Variants in MALRD1 observed in about 807,000 individuals in gnomAD.
MALRD1 encodes the protein MAM and LDL-receptor class A domain-containing protein 1.
Under a neutral mutation model 242.1 loss-of-function variants are expected in MALRD1, and 247 were observed. The observed-to-expected ratio is 1.02, with a 90% confidence interval of 0.92 to 1.13. The LOEUF (loss-of-function observed/expected upper bound fraction) is 1.13. Among genes scored for constraint, MALRD1 ranks in the 50% most tolerant of loss-of-function variants. The pLI is 0.00. For synonymous variants in MALRD1, 995 were observed against 866.6 expected, an observed-to-expected ratio of 1.15 and a Z score of -2.60; for missense variants, 2,989 against 2,533.1, an observed-to-expected ratio of 1.18 and a Z score of -3.86.
chr10:19,450,137 A>T (rs1835238110), intron 28 of MALRD1, among the ~76,000 whole-genome samples, 170 bp from the exon 29 acceptor site: 1 of 152,180 alleles, frequency 6.6e-6, no homozygotes, highest in Non-Finnish European at 1.5e-5. Flanking sequence ...GTTGGGTTTG[A>T]CAAGAATGAC....
At chr10:19,365,242 A>C in intron 26 of MALRD1, among the ~76,000 whole-genome samples, 1 of 152,056 alleles carries the variant, frequency 6.6e-6, no homozygotes, top group African/African-American at 2.4e-5. Context: ...CTGCCTTCTC[A>C]GATTATTTTC....
At chr10:19,215,539 A>T (rs960206848) in intron 18 of MALRD1, among the ~76,000 whole-genome samples, 2 of 152,160 alleles carry the variant, frequency 1.3e-5, no homozygotes, top group Non-Finnish European at 2.9e-5. Context: ...TTGTCCCCCC[A>T]AACTTCTTGT....
intron 11 of MALRD1, among the ~76,000 whole-genome samples, chr10:19,151,511 A>G (rs369248158): frequency 6.6e-6 from 1 of 152,108 alleles, no homozygotes; most frequent in Non-Finnish European, 1.5e-5. Context: ...AAATATTAAC[A>G]GTTCTATCTT....
intron 31 of MALRD1, among the ~76,000 whole-genome samples, chr10:19,523,013 A>T (rs1426483736): frequency 1.3e-5 from 2 of 152,292 alleles, no homozygotes; most frequent in East Asian, 3.9e-4. Context: ...CTTTATATCT[A>T]TTCTCTAAAT....
intron 36 of MALRD1, among the ~76,000 whole-genome samples, chr10:19,642,200 G>T (rs1241065019): frequency 1.3e-5 from 2 of 152,112 alleles, no homozygotes; most frequent in Admixed American, 1.3e-4. Context: ...GAAACCAGAT[G>T]ACAGACTATT....
intron 29 of MALRD1, among the ~76,000 whole-genome samples, chr10:19,470,260 C>T (rs1185514135): frequency 6.6e-6 from 1 of 151,896 alleles, no homozygotes; most frequent in Non-Finnish European, 1.5e-5. Context: ...CCATGTTGTC[C>T]CAAATGTCAG....
At chr10:19,178,361 C>T (rs1835347961) in intron 14 of MALRD1, among the ~76,000 whole-genome samples, 1 of 152,110 alleles carries the variant, frequency 6.6e-6, no homozygotes. Flanking sequence ...TAGTAGTGAG[C>T]AGAAGTTTAT....
At chr10:19,637,299 CAAAA>C (rs1334516694) in intron 36 of MALRD1, among the ~76,000 whole-genome samples, 1 of 151,482 alleles carries the variant, frequency 6.6e-6, no homozygotes, top group Non-Finnish European at 1.5e-5. Flanking sequence ...AACAAACAAA[CAAAA>C]AAAGAGGTAG....
intron 18 of MALRD1, among the ~76,000 whole-genome samples, chr10:19,216,917 G>T (rs1017900253): frequency 6.7e-6 from 1 of 148,468 alleles, no homozygotes; most frequent in Non-Finnish European, 1.5e-5. Flanking sequence ...CTGCACTCCA[G>T]CCTGGGTGAC....
chr10:19,462,056 T>C (rs7083055), intron 29 of MALRD1, among the ~76,000 whole-genome samples: 3,634 of 152,280 alleles, frequency 0.024, 133 homozygotes, highest in African/African-American at 0.083. Flanking sequence ...CAAACATGCC[T>C]ACTGGAACTC....
intron 10 of MALRD1, among the ~76,000 whole-genome samples, chr10:19,145,493 A>G (rs990156503): frequency 6.6e-6 from 1 of 152,100 alleles, no homozygotes; most frequent in African/African-American, 2.4e-5. Context: ...AAAATAAAAA[A>G]AAAATATCCG....
chr10:19,519,904 G>A (rs376435938), intron 31 of MALRD1, among the ~76,000 whole-genome samples: 1 of 152,168 alleles, frequency 6.6e-6, no homozygotes, highest in Non-Finnish European at 1.5e-5. Flanking sequence ...GGTTCTTACA[G>A]TTGCTATTGT....
At chr10:19,572,572 C>T (rs1427778734) in intron 33 of MALRD1, among the ~76,000 whole-genome samples, 1 of 152,140 alleles carries the variant, frequency 6.6e-6, no homozygotes, top group African/African-American at 2.4e-5. Flanking sequence ...GAGAAGTTGG[C>T]TGGTATACTG....
chr10:19,531,408 A>G (rs1834411343), intron 32 of MALRD1, 57 bp downstream of exon 32: 1 of 1,413,958 alleles, frequency 7.1e-7, no homozygotes, highest in Non-Finnish European at 9.5e-7. Flanking sequence ...ATGTTTAAAC[A>G]TTGTCTTCCC....
chr10:19,403,734 A>C (rs1030841311), intron 28 of MALRD1, among the ~76,000 whole-genome samples: 9 of 152,230 alleles, frequency 5.9e-5, no homozygotes, highest in African/African-American at 1.9e-4. Flanking sequence ...TCATTCAGCA[A>C]ATAAAATCGT....
intron 32 of MALRD1, among the ~76,000 whole-genome samples, chr10:19,557,565 G>C (rs1034664796): frequency 6.6e-6 from 1 of 151,632 alleles, no homozygotes; most frequent in African/African-American, 2.4e-5. Flanking sequence ...TTGATTCCTT[G>C]TCAAATATCA....
At chr10:19,180,633 G>C (rs1835463588) in intron 14 of MALRD1, among the ~76,000 whole-genome samples, 1 of 152,024 alleles carries the variant, frequency 6.6e-6, no homozygotes, top group Admixed American at 6.6e-5. Flanking sequence ...GAGAACATAG[G>C]GGAAAAACTC....
chr10:19,446,179 G>A (rs58691172), intron 28 of MALRD1, among the ~76,000 whole-genome samples: 9,859 of 94,238 alleles, frequency 0.1, 1,033 homozygotes, highest in African/African-American at 0.3. Flanking sequence ...TCCATGTACC[G>A]TCTGTCATGG....
intron 4 of MALRD1, among the ~76,000 whole-genome samples, chr10:19,100,878 T>C (rs1403359472): frequency 6.6e-6 from 1 of 152,126 alleles, no homozygotes; most frequent in Non-Finnish European, 1.5e-5. Context: ...TAAACTATGG[T>C]GACTGCAGGC....
Sources: allele counts gnomAD v4.1 joint callset (sites outside exome capture counted in the v4.1 genomes callset), GRCh38; gene constraint gnomAD v4.1.1; transcripts MANE v1.5; gene names NCBI Gene and HGNC (gene_info 2026-07-23, HGNC 2026-07-21).